Variants in TTF1 observed in about 807,000 individuals in gnomAD.
The protein encoded by TTF1 is transcription termination factor, RNA polymerase I.
Under a neutral mutation model 80.2 loss-of-function variants are expected in TTF1, and 64 were observed. The ratio of observed to expected loss-of-function variants is 0.80; its 90% confidence interval spans 0.65 to 0.98. TTF1 has a LOEUF of 0.98. Ranked by LOEUF, TTF1 falls within the 50% of genes least tolerant of loss-of-function variation. The pLI, the probability that TTF1 is intolerant of heterozygous loss-of-function variation, is 0.00. For missense variants in TTF1, 1,023 were observed against 1,086.2 expected (o/e 0.94, Z 0.82); for synonymous variants, 372 against 382.7 (o/e 0.97, Z 0.33).
chr9:132,387,102 C>T (rs1461237259), intron 8 of TTF1, among the ~76,000 whole-genome samples: 1 of 152,156 alleles, frequency 6.6e-6, no homozygotes, highest in Non-Finnish European at 1.5e-5. Context: ...GAACCATAAG[C>T]ACGTGGCACC....
chr9:132,378,146 G>C (rs1849272329), intron 10 of TTF1, among the ~76,000 whole-genome samples: 1 of 124,906 alleles, frequency 8.0e-6, no homozygotes, highest in African/African-American at 2.8e-5. Flanking sequence ...GTGAGTGCAT[G>C]TGGTGTGTGT....
chr9:132,379,449 C>G (rs1271989002), intron 9 of TTF1, among the ~76,000 whole-genome samples: 1 of 152,142 alleles, frequency 6.6e-6, no homozygotes. Context: ...AGTATAATGC[C>G]GGCTAACGGG....
chr9:132,402,628 G>A lies in TTF1; in HGVS notation c.194C>T (p.Ser65Phe), dbSNP rs372057147. 231 of 1,613,114 alleles carry A rather than the reference G, an allele frequency of 1.4e-4. No homozygotes were observed. Among genetic ancestry groups the A allele is most frequent in the Non-Finnish European group, 1.9e-4 (220 of 1,179,804 alleles). The change falls in exon 2 of 11, where the codon TCT (serine) becomes TTT (phenylalanine). Residue 65 changes from serine to phenylalanine, a missense_variant. By Grantham distance (155) the Ser-to-Phe change is radical. Transcript: ENST00000334270. ...ACAGATTCTGGATTTTTTCAAAGGA[G>A]AAGAAATGAGATGCTGGAAATCTTT... ...RKKDFQHLIS[S>F]PLKKSRICDE...
chr9:132,382,733 T>C (rs1036542196), intron 9 of TTF1, among the ~76,000 whole-genome samples: 2 of 139,116 alleles, frequency 1.4e-5, no homozygotes, highest in Admixed American at 7.5e-5. Flanking sequence ...CTGGGCAACA[T>C]GGCAAAACCC....
chr9:132,403,467 T>TC (rs976921106), intron 1 of TTF1, among the ~76,000 whole-genome samples: 18 of 151,464 alleles, frequency 1.2e-4, no homozygotes, highest in Admixed American at 2.6e-4. Context: ...CCATAACCTT[T>TC]CCCCCCCAGC....
intron 3 of TTF1, 73 bp from the exon 4 acceptor site, chr9:132,398,399 T>C (rs1487776380): frequency 4.0e-6 from 6 of 1,485,482 alleles, no homozygotes; most frequent in Non-Finnish European, 5.5e-6. Flanking sequence ...GACTTGGTTT[T>C]TCATCAGCAA....
At chr9:132,395,564 C>A (rs1274911896) in intron 5 of TTF1, among the ~76,000 whole-genome samples, 1 of 152,194 alleles carries the variant, frequency 6.6e-6, no homozygotes, top group Non-Finnish European at 1.5e-5. Context: ...TGGGGAAAAA[C>A]AGGCAGGGCA....
intron 10 of TTF1, 47 bp downstream of exon 10, chr9:132,379,012 G>T: frequency 7.0e-7 from 1 of 1,430,658 alleles, no homozygotes; most frequent in Non-Finnish European, 9.6e-7. Flanking sequence ...CCAGCATGTG[G>T]CACCAAATGC....
chr9:132,376,020 A>G lies in TTF1; in HGVS notation c.2613T>C (p.Asp871=), dbSNP rs1849170054. The change falls in exon 11 of 11, where the codon GAT becomes GAC. Residue 871 remains aspartate, a synonymous_variant. Transcript: ENST00000334270. ...CTTTTTCTATGTCCTCTCCTTCACT[A>G]TCGTCTTCATAATAAAAGATGTCTC... is the stretch of plus-strand genomic sequence containing the variant. ...PFRDIFYYED[D]SEGEDIEKES... 1.2e-6 allele frequency: 2 copies of G among 1,614,064 alleles called. No homozygotes were observed. Among genetic ancestry groups the G allele is most frequent in the African/African-American group, 2.7e-5 (2 of 74,920 alleles).
rs375652888 is a variant in TTF1 at position 132,401,957 on chromosome 9, C to G, written c.865G>C (p.Glu289Gln). The G allele has an allele frequency of 1.9e-6, 3 of 1,614,054 alleles. No individual in the cohort carries two copies. The highest frequency in any genetic ancestry group is 2.5e-6 in the Non-Finnish European group (3 of 1,180,016). The change falls in exon 2 of 11, where the codon GAG (glutamate) becomes CAG (glutamine). Residue 289 changes from glutamate (E) to glutamine (Q), a missense_variant. By Grantham distance (29) the Glu-to-Gln change is conservative. Transcript: ENST00000334270. The part of the protein sequence containing the change: ...KKKKSNHQEF[E>Q]ALAMPEGSQV... ...GATCCTTCAGGCATGGCCAATGCCTCAAATTCCTGGTGATTGGACTTTTTC... is the reference window on the plus strand; with the variant it reads ...GATCCTTCAGGCATGGCCAATGCCTGAAATTCCTGGTGATTGGACTTTTTC...
chr9:132,388,000 T>C (rs1006741110), intron 8 of TTF1, 139 bp downstream of exon 8: 2 of 581,106 alleles, frequency 3.4e-6, no homozygotes, highest in Non-Finnish European at 6.1e-6. Flanking sequence ...GGGTAGGTCA[T>C]ATGCCCACAA....
intron 1 of TTF1, among the ~76,000 whole-genome samples, chr9:132,404,124 CA>C (rs1339435803): frequency 6.6e-6 from 1 of 152,126 alleles, no homozygotes; most frequent in East Asian, 1.9e-4. Flanking sequence ...TTACGTCGTA[CA>C]AAAATAAAAA....
In TTF1 at chr9:132,384,725, C is replaced by T. The variant is rs957725041; in HGVS notation, c.2378+1831G>A. Among the ~76,000 whole-genome samples, 16 of 152,102 alleles carry T rather than the reference C, an allele frequency of 1.1e-4. No individual in the cohort carries two copies. Among genetic ancestry groups the T allele is most frequent in the African/African-American group, 2.7e-4 (11 of 41,404 alleles). On this transcript the variant is annotated intron_variant, in intron 9 of 10. Coordinates refer to ENST00000334270, the MANE Select transcript of TTF1 (RefSeq NM_007344.4). The surrounding 1 kb of genome is among the most constrained non-coding windows in gnomAD (Gnocchi z 4.1). ...AGGCTGGAGTGCAATGGCATGATCT[C>T]GGCTTACTGCAACCTCCGCCTCCTG...
At chr9:132,396,204 T>C (rs575019) in intron 5 of TTF1, among the ~76,000 whole-genome samples, 35,745 of 151,954 alleles carry the variant, frequency 0.24, 5,273 homozygotes, top group African/African-American at 0.41. Flanking sequence ...AGAAAAAGTG[T>C]AGAGAAAGCT....
In TTF1 at chr9:132,402,516, A is replaced by T; in HGVS notation, c.306T>A (p.Val102=). Reference sequence around the variant, plus strand: ...TTTCTTTATCCACAAGGACAACTGTAACACCTGCTTCCTCGTCCACCTCCA... The same window carrying T: ...TTTCTTTATCCACAAGGACAACTGTTACACCTGCTTCCTCGTCCACCTCCA... ...SALEVDEEAG[V]TVVLVDKENI... The change falls in exon 2 of 11, where the codon GTT becomes GTA. Residue 102 remains valine (V), a synonymous_variant. Transcript: ENST00000334270. The T allele has an allele frequency of 6.2e-7, 1 of 1,614,228 alleles. No individual in the cohort carries two copies. Among genetic ancestry groups the T allele is most frequent in the Non-Finnish European group, 8.5e-7 (1 of 1,180,048 alleles).
intron 5 of TTF1, 95 bp downstream of exon 5, chr9:132,396,338 C>G (rs1166320): frequency 7.7e-7 from 1 of 1,295,244 alleles, no homozygotes; most frequent in Non-Finnish European, 1.1e-6. Context: ...TCTGCGTTAT[C>G]TTTACTGCTA....
rs201364578 is a variant in TTF1 at position 132,395,266 on chromosome 9, ACTTT to A, written c.1856+1163_1856+1166del. The stretch of plus-strand genomic sequence containing the variant: ...AATAATAATAATTCTTTGATTTTTT[ACTTT>A]CTATTTTTTTGAAGTCAGGAATTGC... On this transcript the variant is annotated intron_variant, in intron 5 of 10. Transcript: ENST00000334270. Among the ~76,000 whole-genome samples, 212 of 152,330 alleles carry A rather than the reference ACTTT, an allele frequency of 1.4e-3. 5 individuals carry two copies. The East Asian group carries it at 0.034, about 24-fold the overall frequency.
At chr9:132,379,443 T>C (rs1183244359) in intron 9 of TTF1, among the ~76,000 whole-genome samples, 1 of 152,248 alleles carries the variant, frequency 6.6e-6, no homozygotes, top group African/African-American at 2.4e-5. Context: ...AGGCAAAGTA[T>C]AATGCCGGCT....
rs767320859 is a variant in TTF1, at chr9:132,402,578, T to C, written c.244A>G (p.Thr82Ala). ...CTTCTCTTTTTTCTCTTTTTGAGTGTGGAAGTGGCATTTGCAGTCTCATCA... is the reference window on the plus strand; with the variant it reads ...CTTCTCTTTTTTCTCTTTTTGAGTGCGGAAGTGGCATTTGCAGTCTCATCA... Reference protein sequence around the residue: ...ICDETANATSTLKKRKKRRYS... With the variant: ...ICDETANATSALKKRKKRRYS... The change falls in exon 2 of 11, where the codon ACA (threonine) becomes GCA (alanine). Residue 82 changes from threonine to alanine, a missense_variant. Thr to Ala is a moderately conservative substitution (Grantham distance 58, BLOSUM62 0). Transcript: ENST00000334270. 1.2e-6 allele frequency: 2 copies of C among 1,614,092 alleles called. No homozygotes were observed. Among genetic ancestry groups the C allele is most frequent in the Admixed American group, 1.7e-5 (1 of 60,002 alleles).
Sources: gnomAD v4.1 joint callset for allele counts (sites outside exome capture counted in the v4.1 genomes callset) on GRCh38, gnomAD v4.1.1 for gene constraint, Gnocchi (gnomAD v3.1) non-coding constraint, MANE v1.5 for transcripts, NCBI Gene and HGNC (gene_info 2026-07-23, HGNC 2026-07-21) for gene names.